Variants in DLGAP2 observed in about 807,000 individuals in gnomAD.
DLGAP2 encodes disks large-associated protein 2.
A neutral mutation model predicts 100.3 loss-of-function variants in DLGAP2; 26 were observed. That is an observed-to-expected ratio of 0.26 (90% CI 0.19 to 0.36). The LOEUF is 0.36. DLGAP2 is among the 10% of genes least tolerant of loss of function. DLGAP2 has a pLI of 1.00. For synonymous variants in DLGAP2, 886 were observed against 630.1 expected (o/e 1.41, Z -6.08); for missense variants, 1,858 against 1,453.2 (o/e 1.28, Z -4.53).
intron 4 of DLGAP2, among the ~76,000 whole-genome samples, chr8:1,515,178 G>A (rs576199834): frequency 6.6e-6 from 1 of 152,186 alleles, no homozygotes; most frequent in Non-Finnish European, 1.5e-5. Context: ...AAATCACGGA[G>A]AGTTGTTGCA....
At chr8:1,261,419 C>T (rs539357639) in intron 3 of DLGAP2, among the ~76,000 whole-genome samples, 1 of 143,774 alleles carries the variant, frequency 7.0e-6, no homozygotes, top group Non-Finnish European at 1.5e-5. Context: ...GCTTCCAGAT[C>T]TTTAAAACGA....
chr8:1,635,951 C>G lies in DLGAP2; in HGVS notation c.1810+2905C>G, dbSNP rs1585018698. On this transcript the variant is annotated intron_variant, in intron 8 of 14. Transcript: ENST00000637795. ...GAGACAGACCCTTTTAATCTAATCA[C>G]CAGGGAACTCCAGTAAGAACAGAAT... 1.3e-5 allele frequency among the ~76,000 whole-genome samples: 2 copies of G among 152,164 alleles called. 1 individual carries two copies. Among genetic ancestry groups the G allele is most frequent in the South Asian group, 4.1e-4 (2 of 4,830 alleles).
At chr8:946,744 T>G (rs1484275758) in intron 2 of DLGAP2, among the ~76,000 whole-genome samples, 2 of 152,214 alleles carry the variant, frequency 1.3e-5, no homozygotes, top group African/African-American at 2.4e-5. Flanking sequence ...AGTGCCATAG[T>G]GGTCTTGAGA....
At chr8:1,227,173 TAG>T (rs1206529816) in intron 2 of DLGAP2, among the ~76,000 whole-genome samples, 3 of 134,380 alleles carry the variant, frequency 2.2e-5, no homozygotes, top group South Asian at 2.3e-4. Flanking sequence ...TATATATATA[TAG>T]TATAGATATA....
At chr8:1,073,935 G>T (rs1252511068) in intron 2 of DLGAP2, among the ~76,000 whole-genome samples, 2 of 152,244 alleles carry the variant, frequency 1.3e-5, no homozygotes, top group South Asian at 2.1e-4. Flanking sequence ...TGTAACAGAA[G>T]GGTTTGCAGC....
chr8:1,421,270 C>G (rs1797079896), intron 3 of DLGAP2, among the ~76,000 whole-genome samples: 2 of 152,164 alleles, frequency 1.3e-5, no homozygotes, highest in South Asian at 4.1e-4. Flanking sequence ...GTCCTTTGCT[C>G]TTCTTTGATT....
At chr8:981,755 C>T (rs1800338122) in intron 2 of DLGAP2, among the ~76,000 whole-genome samples, 1 of 152,144 alleles carries the variant, frequency 6.6e-6, no homozygotes, top group Non-Finnish European at 1.5e-5. Flanking sequence ...TGCTTATTTT[C>T]TAATTGGTTT....
At chr8:1,482,457 T>A (rs1228000329) in intron 3 of DLGAP2, among the ~76,000 whole-genome samples, 2 of 152,230 alleles carry the variant, frequency 1.3e-5, no homozygotes, top group Admixed American at 1.3e-4. Flanking sequence ...GTATTAAAAA[T>A]AATCACAGAA....
chr8:868,631 G>A (rs186341413), intron 1 of DLGAP2, among the ~76,000 whole-genome samples: 2 of 152,298 alleles, frequency 1.3e-5, no homozygotes, highest in Admixed American at 6.5e-5. Context: ...TGTCTGCCTC[G>A]CTGGAGCATT....
chr8:1,070,422 A>G (rs749263084), intron 2 of DLGAP2, among the ~76,000 whole-genome samples: 9 of 152,178 alleles, frequency 5.9e-5, no homozygotes, highest in Admixed American at 5.2e-4. Context: ...TTTCACAAAC[A>G]GTTTTAGAAA....
chr8:1,100,390 T>G (rs917984201), intron 2 of DLGAP2, among the ~76,000 whole-genome samples: 1 of 152,146 alleles, frequency 6.6e-6, no homozygotes, highest in African/African-American at 2.4e-5. Flanking sequence ...GTATAATGTG[T>G]GTAGGGAAAA....
At chr8:1,049,759 G>T (rs1362100049) in intron 2 of DLGAP2, among the ~76,000 whole-genome samples, 2 of 151,900 alleles carry the variant, frequency 1.3e-5, no homozygotes, top group African/African-American at 4.8e-5. Flanking sequence ...ACACACAGAC[G>T]GTGCATAGAC....
intron 2 of DLGAP2, among the ~76,000 whole-genome samples, chr8:966,018 C>T (rs1035854415): frequency 1.3e-5 from 2 of 151,980 alleles, no homozygotes; most frequent in Non-Finnish European, 1.5e-5. Context: ...TCAGCTCTGC[C>T]GTGACCCCCG....
At chr8:1,549,941 G>T (rs1324092301) in intron 5 of DLGAP2, among the ~76,000 whole-genome samples, 1 of 152,142 alleles carries the variant, frequency 6.6e-6, no homozygotes, top group Non-Finnish European at 1.5e-5. Context: ...GTTGTTAACT[G>T]CAGTTACCGT....
chr8:1,486,893 C>T lies in DLGAP2; in HGVS notation c.107-14473C>T, dbSNP rs185768972. Among the ~76,000 whole-genome samples, 50 of 152,314 alleles carry T rather than the reference C, an allele frequency of 3.3e-4. No homozygotes were observed. The South Asian group carries it at 9.7e-3, about 30-fold the overall frequency. ...AAACTGGAACAGCCTCTGCCTGGAACGTTTGTCTCCACGTTCCCAATACTG... is the reference window on the plus strand; with the variant it reads ...AAACTGGAACAGCCTCTGCCTGGAATGTTTGTCTCCACGTTCCCAATACTG... On this transcript the variant is annotated intron_variant, in intron 3 of 14. Coordinates refer to ENST00000637795, the MANE Select transcript of DLGAP2 (RefSeq NM_001346810.2).
rs141014024 is a variant in DLGAP2, at chr8:1,193,411, G to C, written c.74-65440G>C. ...CTCATTGTGGTTTTGATTTGCATTT[G>C]TCTGATGGCCAGTGATGATGAGCAT... On this transcript the variant is annotated intron_variant, in intron 2 of 14. Coordinates refer to ENST00000637795, the MANE Select transcript of DLGAP2 (RefSeq NM_001346810.2). 9.5e-4 allele frequency among the ~76,000 whole-genome samples: 144 copies of C among 152,202 alleles called. No homozygotes were observed. The East Asian group carries it at 0.023, about 24-fold the overall frequency.
chr8:1,092,614 G>A (rs1443995983), intron 2 of DLGAP2, among the ~76,000 whole-genome samples: 1 of 152,236 alleles, frequency 6.6e-6, no homozygotes, highest in Non-Finnish European at 1.5e-5. Context: ...TCCAGGGACA[G>A]AGCCTTCAAG....
intron 4 of DLGAP2, among the ~76,000 whole-genome samples, chr8:1,517,535 G>C (rs530490347): frequency 3.9e-5 from 6 of 152,262 alleles, no homozygotes; most frequent in South Asian, 2.1e-4. Context: ...GAGCAGAAGA[G>C]CCGCTCCTCT....
intron 2 of DLGAP2, among the ~76,000 whole-genome samples, chr8:1,201,306 G>C (rs552541139): frequency 6.6e-6 from 1 of 152,328 alleles, no homozygotes; most frequent in South Asian, 2.1e-4. Flanking sequence ...GCAGGTGTGA[G>C]GCCCTCAGCG....
Sources: gnomAD v4.1 joint callset for allele counts (sites outside exome capture counted in the v4.1 genomes callset) on GRCh38, gnomAD v4.1.1 for gene constraint, MANE v1.5 for transcripts, NCBI Gene and HGNC (gene_info 2026-07-23, HGNC 2026-07-21) for gene names.